Variants in AGTPBP1 observed in about 807,000 individuals in gnomAD.
AGTPBP1 encodes ATP/GTP binding carboxypeptidase 1.
Under a neutral mutation model 143.9 loss-of-function variants are expected in AGTPBP1, and 70 were observed. That is an observed-to-expected ratio of 0.49 (90% CI 0.40 to 0.59). AGTPBP1 has a LOEUF of 0.59. AGTPBP1 is among the 20% of genes least tolerant of loss of function. The pLI is 0.00. For synonymous variants in AGTPBP1, 463 were observed against 500.2 expected (o/e 0.93, Z 0.99); for missense variants, 1,229 against 1,464.5 (o/e 0.84, Z 2.62).
the AGTPBP1 span, among the ~76,000 whole-genome samples, chr9:85,747,419 T>C: frequency 6.6e-6 from 1 of 152,206 alleles, no homozygotes; most frequent in Non-Finnish European, 1.5e-5. Flanking sequence ...AAAAGGCCAT[T>C]GGAATTTTGA....
At chr9:85,592,818 A>G (rs951619571) in intron 18 of AGTPBP1, 114 bp from the exon 19 acceptor site, 7 of 1,287,952 alleles carry the variant, frequency 5.4e-6, no homozygotes, top group Non-Finnish European at 7.6e-6. Flanking sequence ...GTCTGTAAAA[A>G]GTGTAACTTA....
Position 85,595,573 on chromosome 9 carries a change from C to T in AGTPBP1, c.2423+789G>A, listed in dbSNP as rs556803275. On this transcript the variant is annotated intron_variant, in intron 18 of 25. Transcript: ENST00000357081. ...ACGGAGTCTTGCTCTGTCACCGAGG[C>T]TGGAGTGCAGTGGTGCGATCTCGGC... Among the ~76,000 whole-genome samples the T allele has an allele frequency of 2.6e-5, 4 of 152,312 alleles. No individual in the cohort carries two copies. The South Asian group carries it at 6.2e-4, about 24-fold the overall frequency.
the AGTPBP1 span, among the ~76,000 whole-genome samples, chr9:85,753,757 A>AATAGATAG: frequency 3.1e-3 from 457 of 145,696 alleles, 4 homozygotes; most frequent in South Asian, 4.9e-3. Context: ...CCTCTCAATA[A>AATAGATAG]ATAGATAGAT....
At chr9:85,556,509 T>C (rs1462803554) in intron 25 of AGTPBP1, among the ~76,000 whole-genome samples, 3 of 152,140 alleles carry the variant, frequency 2.0e-5, no homozygotes, top group Non-Finnish European at 4.4e-5. Context: ...TAAATGGAAA[T>C]GGAGTAAATA....
At chr9:85,712,592 A>C in intron 1 of AGTPBP1, 26 bp from the exon 2 acceptor site, 1 of 1,203,604 alleles carries the variant, frequency 8.3e-7, no homozygotes, top group Non-Finnish European at 1.1e-6. Flanking sequence ...TAATGATATT[A>C]AAAACTTATA....
intron 2 of AGTPBP1, among the ~76,000 whole-genome samples, chr9:85,699,612 A>C (rs1836515567): frequency 6.6e-6 from 1 of 151,972 alleles, no homozygotes; most frequent in South Asian, 2.1e-4. Flanking sequence ...CAAAAAAAAA[A>C]ACCATAAAAA....
At chr9:85,778,559 A>C in the AGTPBP1 span, among the ~76,000 whole-genome samples, 2 of 152,128 alleles carry the variant, frequency 1.3e-5, no homozygotes, top group Non-Finnish European at 2.9e-5. Context: ...CCTGTTGTGG[A>C]CCCCATTCAA....
the AGTPBP1 span, among the ~76,000 whole-genome samples, chr9:85,773,158 G>A: frequency 1.3e-5 from 2 of 149,790 alleles, no homozygotes; most frequent in Non-Finnish European, 3.0e-5. Flanking sequence ...CCAGCTACTC[G>A]GGAGGCTGAG....
chr9:85,795,810 G>A, the AGTPBP1 span, among the ~76,000 whole-genome samples: 1 of 143,322 alleles, frequency 7.0e-6, no homozygotes, highest in Non-Finnish European at 1.5e-5. Flanking sequence ...TTTTATGGCT[G>A]TGACTATTTC....
chr9:85,748,853 T>C, the AGTPBP1 span, among the ~76,000 whole-genome samples: 3 of 152,178 alleles, frequency 2.0e-5, no homozygotes, highest in African/African-American at 7.2e-5. Flanking sequence ...TCATCTCTTA[T>C]AGGCCATGGC....
the AGTPBP1 span, among the ~76,000 whole-genome samples, chr9:85,757,477 A>G: frequency 1.3e-5 from 2 of 152,048 alleles, no homozygotes; most frequent in East Asian, 3.9e-4. Flanking sequence ...AGGAGATAAC[A>G]GAGGACAAAA....
chr9:85,789,528 G>T, the AGTPBP1 span, among the ~76,000 whole-genome samples: 1,273 of 152,250 alleles, frequency 8.4e-3, 13 homozygotes, highest in African/African-American at 0.029. Context: ...TAGCTCTAGA[G>T]TGTTATAGCT....
the AGTPBP1 span, among the ~76,000 whole-genome samples, chr9:85,763,323 C>G: frequency 2.6e-5 from 4 of 151,876 alleles, no homozygotes; most frequent in Non-Finnish European, 5.9e-5. Context: ...TCAGGAAATA[C>G]CAAAGGGAAG....
At chr9:85,782,529 TAA>T in the AGTPBP1 span, among the ~76,000 whole-genome samples, 1,003 of 152,142 alleles carry the variant, frequency 6.6e-3, 16 homozygotes, top group African/African-American at 0.023. Context: ...AAAAAAATGC[TAA>T]GTTATATTTG....
At position 85,546,889 on chromosome 9, in the gene AGTPBP1, T is replaced by C; in HGVS notation, c.*220A>G. The C allele has an allele frequency of 2.7e-6, 1 of 373,990 alleles. No individual in the cohort carries two copies. The highest frequency in any genetic ancestry group is 4.7e-6 in the Non-Finnish European group (1 of 213,582). 23.2% of individuals were successfully genotyped at this position (373,990 alleles called of 1,614,324 possible). A position where few individuals can be genotyped will look rare whatever the true frequency, so the allele number is the denominator to read the frequency against. On this transcript the variant is annotated 3_prime_UTR_variant, in exon 26 of 26. Coordinates refer to ENST00000357081, the MANE Select transcript of AGTPBP1 (RefSeq NM_001330701.2). ...TAAAGGTAAATCCAATATTTGATCA[T>C]TCAATGCTACATAAAGTGCATTGAA... is the stretch of plus-strand genomic sequence containing the variant.
intron 1 of AGTPBP1, among the ~76,000 whole-genome samples, chr9:85,728,400 T>C (rs1164121947): frequency 6.6e-6 from 1 of 152,134 alleles, no homozygotes; most frequent in African/African-American, 2.4e-5. Flanking sequence ...CTCTTGATTA[T>C]ACACTCGAGA....
At chr9:85,597,248 T>G (rs1753772478) in intron 17 of AGTPBP1, among the ~76,000 whole-genome samples, 1 of 152,054 alleles carries the variant, frequency 6.6e-6, no homozygotes, top group African/African-American at 2.4e-5. Context: ...TCATTTATTT[T>G]TTGTATTTAT....
At chr9:85,661,248 C>G (rs12115291) in intron 8 of AGTPBP1, among the ~76,000 whole-genome samples, 340 of 152,118 alleles carry the variant, frequency 2.2e-3, no homozygotes, top group African/African-American at 7.8e-3. Context: ...AAGTATTTGT[C>G]AGAAGTTAGA....
the AGTPBP1 span, chr9:85,805,369 G>A: frequency 1.1e-3 from 170 of 151,860 alleles, no homozygotes; most frequent in Non-Finnish European, 1.7e-3. Flanking sequence ...CCCTCACCGC[G>A]GCCTGCAGCC....
Sources: gnomAD v4.1 joint callset for allele counts (sites outside exome capture counted in the v4.1 genomes callset) on GRCh38, gnomAD v4.1.1 for gene constraint, MANE v1.5 for transcripts, NCBI Gene and HGNC (gene_info 2026-07-23, HGNC 2026-07-21) for gene names.